Variants in TBC1D22A observed in about 807,000 individuals in gnomAD.
TBC1D22A encodes putative GTPase activator.
A neutral mutation model predicts 60.2 loss-of-function variants in TBC1D22A; 38 were observed. The observed-to-expected ratio is 0.63, with a 90% CI of 0.49 to 0.83. The LOEUF is 0.83. Among genes scored for constraint, TBC1D22A ranks in the 40% least tolerant of loss-of-function variants. The pLI, the probability that TBC1D22A is intolerant of heterozygous loss-of-function variation, is 0.00. For missense variants in TBC1D22A, 628 were observed against 701.0 expected (o/e 0.90, Z 1.18); for synonymous variants, 302 against 281.7 (o/e 1.07, Z -0.72).
intron 8 of TBC1D22A, among the ~76,000 whole-genome samples, chr22:46,917,554 A>G (rs186504543): frequency 1.3e-5 from 2 of 152,224 alleles, no homozygotes; most frequent in Admixed American, 1.3e-4. Context: ...CGTGGAGTAG[A>G]AAGAGCGGGT....
intron 4 of TBC1D22A, among the ~76,000 whole-genome samples, chr22:46,798,757 G>T (rs1461525329): frequency 6.6e-6 from 1 of 152,248 alleles, no homozygotes; most frequent in Non-Finnish European, 1.5e-5. Flanking sequence ...AGCCAGAGGT[G>T]CAACGCCTGG....
intron 12 of TBC1D22A, among the ~76,000 whole-genome samples, chr22:47,118,599 A>G (rs1569457508): frequency 6.6e-6 from 1 of 152,252 alleles, no homozygotes; most frequent in Non-Finnish European, 1.5e-5. Context: ...ACAACTTATG[A>G]TAAAGACAAT....
At chr22:46,910,948 C>T (rs1210419401) in intron 7 of TBC1D22A, among the ~76,000 whole-genome samples, 1 of 151,848 alleles carries the variant, frequency 6.6e-6, no homozygotes, top group African/African-American at 2.4e-5. Context: ...TCAGTGCAGC[C>T]ACAATGTGGG....
At position 46,988,815 on chromosome 22, in the gene TBC1D22A, C is replaced by T. The variant is rs1184207799; in HGVS notation, c.1126-8819C>T. Among the ~76,000 whole-genome samples the T allele has an allele frequency of 3.9e-5, 6 of 152,326 alleles. No individual in the cohort carries two copies. In the South Asian group the frequency reaches 1.0e-3, roughly 26 times the overall value. ...ACTTAAAGTCACCAGCTGCTTTAGCCTCTAACAAGAGAGTCAGCTGGTCCT... is the reference window on the plus strand; with the variant it reads ...ACTTAAAGTCACCAGCTGCTTTAGCTTCTAACAAGAGAGTCAGCTGGTCCT... On this transcript the variant is annotated intron_variant, in intron 9 of 12. Coordinates refer to ENST00000337137, the MANE Select transcript of TBC1D22A (RefSeq NM_014346.5).
chr22:46,799,727 T>A (rs2084815008), intron 4 of TBC1D22A, among the ~76,000 whole-genome samples: 2 of 152,242 alleles, frequency 1.3e-5, no homozygotes, highest in Admixed American at 1.3e-4. Flanking sequence ...TTTTGTGGGA[T>A]GTCCCTTGGT....
At chr22:47,008,607 A>G (rs1320844679) in intron 10 of TBC1D22A, among the ~76,000 whole-genome samples, 2 of 152,220 alleles carry the variant, frequency 1.3e-5, no homozygotes, top group Non-Finnish European at 2.9e-5. Context: ...CCTGGTCCGT[A>G]TCTGCAGGAA....
intron 4 of TBC1D22A, among the ~76,000 whole-genome samples, chr22:46,852,995 A>G (rs182814947): frequency 2.0e-5 from 3 of 152,040 alleles, no homozygotes; most frequent in Non-Finnish European, 2.9e-5. Flanking sequence ...GCACACTGTG[A>G]CCTCCAATGC....
At chr22:47,017,279 T>C (rs2061941386) in intron 10 of TBC1D22A, among the ~76,000 whole-genome samples, 1 of 152,158 alleles carries the variant, frequency 6.6e-6, no homozygotes, top group Non-Finnish European at 1.5e-5. Flanking sequence ...ATGGGAGGGC[T>C]AAGGAGACGG....
chr22:46,804,174 G>A (rs1045848497), intron 4 of TBC1D22A, among the ~76,000 whole-genome samples: 5 of 152,160 alleles, frequency 3.3e-5, no homozygotes, highest in Middle Eastern at 3.4e-3. Flanking sequence ...CCACATCACC[G>A]TTACTCTGCT....
At chr22:46,962,939 T>C (rs1236920081) in intron 8 of TBC1D22A, among the ~76,000 whole-genome samples, 1 of 151,722 alleles carries the variant, frequency 6.6e-6, no homozygotes, top group Admixed American at 6.6e-5. Context: ...CTGGGCCGGG[T>C]GCAGTGGCTC....
At chr22:47,095,844 TTGAGTC>T (rs1237151799) in intron 11 of TBC1D22A, among the ~76,000 whole-genome samples, 2 of 152,108 alleles carry the variant, frequency 1.3e-5, no homozygotes, top group East Asian at 1.9e-4. Context: ...GCTGAGCGGG[TTGAGTC>T]TGAGTGACAG....
intron 4 of TBC1D22A, among the ~76,000 whole-genome samples, chr22:46,858,715 G>T (rs1489550352): frequency 6.6e-6 from 1 of 152,164 alleles, no homozygotes; most frequent in Non-Finnish European, 1.5e-5. Flanking sequence ...TGGGAGAGGC[G>T]GCCTCAACCA....
chr22:47,156,777 C>G (rs1817454942), intron 12 of TBC1D22A, among the ~76,000 whole-genome samples: 1 of 152,222 alleles, frequency 6.6e-6, no homozygotes, highest in Non-Finnish European at 1.5e-5. Context: ...AGCCATCCGG[C>G]AGCCCTCCCC....
At chr22:47,117,039 G>T in intron 12 of TBC1D22A, 1 of 154,002 alleles carries the variant, frequency 6.5e-6, no homozygotes. Flanking sequence ...GATAGATGGG[G>T]GAGAGGGGAG....
intron 1 of TBC1D22A, among the ~76,000 whole-genome samples, 171 bp downstream of exon 1, chr22:46,763,019 G>T (rs1387682425): frequency 1.3e-5 from 2 of 152,112 alleles, no homozygotes; most frequent in African/African-American, 4.8e-5. Flanking sequence ...GGAGCGTGGG[G>T]TCTGGGGGTG....
At chr22:46,780,936 T>C (rs1383080300) in intron 1 of TBC1D22A, among the ~76,000 whole-genome samples, 1 of 152,210 alleles carries the variant, frequency 6.6e-6, no homozygotes, top group Admixed American at 6.5e-5. Flanking sequence ...TGTTTATTGT[T>C]TTTTTAAATT....
At chr22:47,006,500 T>C (rs530190980) in intron 10 of TBC1D22A, among the ~76,000 whole-genome samples, 26 of 152,300 alleles carry the variant, frequency 1.7e-4, no homozygotes, top group African/African-American at 5.5e-4. Context: ...CCCCGGGTGG[T>C]GAGACCTTAG....
intron 11 of TBC1D22A, among the ~76,000 whole-genome samples, chr22:47,087,095 C>CTG (rs1420027503): frequency 6.6e-6 from 1 of 152,236 alleles, no homozygotes; most frequent in African/African-American, 2.4e-5. Context: ...AGGTGCAGAA[C>CTG]TGTGTGTGTC....
At chr22:46,993,094 T>A (rs1026347700) in intron 9 of TBC1D22A, among the ~76,000 whole-genome samples, 3 of 152,206 alleles carry the variant, frequency 2.0e-5, no homozygotes, top group African/African-American at 7.2e-5. Context: ...GAGTCTAACT[T>A]CTCCGTGAGC....
Sources: gnomAD v4.1 joint callset for allele counts (sites outside exome capture counted in the v4.1 genomes callset) on GRCh38, gnomAD v4.1.1 for gene constraint, MANE v1.5 for transcripts, NCBI Gene and HGNC (gene_info 2026-07-23, HGNC 2026-07-21) for gene names.